Variants in ASAP1 observed in about 807,000 individuals in gnomAD.
ASAP1 encodes the protein ArfGAP with SH3 domain, ankyrin repeat and PH domain 1.
In ASAP1, 43 loss-of-function variants were observed where a neutral mutation model predicts 145.2. That is an observed-to-expected ratio of 0.30 (90% CI 0.23 to 0.38). The LOEUF (loss-of-function observed/expected upper bound fraction) is 0.38. Among genes scored for constraint, ASAP1 ranks in the 10% least tolerant of loss-of-function variants. The pLI is 1.00. For synonymous variants in ASAP1, 546 were observed against 515.5 expected, an observed-to-expected ratio of 1.06 and a Z score of -0.80; for missense variants, 1,018 against 1,355.3, an observed-to-expected ratio of 0.75 and a Z score of 3.91.
chr8:130,218,730 G>C lies in ASAP1; in HGVS notation c.260-4029C>G, dbSNP rs751400212. Among the ~76,000 whole-genome samples the C allele has an allele frequency of 4.3e-4, 66 of 152,058 alleles. 2 individuals are homozygous for C. The highest frequency in any genetic ancestry group is 1.0e-4 in the Non-Finnish European group (7 of 68,022). ...TGCAAGGGAAGAATTATGCTTATTA[G>C]GTAGATGAAACATGAAATGTGACGT... is the stretch of plus-strand genomic sequence containing the variant. On this transcript the variant is annotated intron_variant, in intron 4 of 29. Coordinates refer to ENST00000518721, the MANE Select transcript of ASAP1 (RefSeq NM_018482.4).
chr8:130,209,967 C>A (rs1816477205), intron 5 of ASAP1, among the ~76,000 whole-genome samples: 1 of 152,188 alleles, frequency 6.6e-6, no homozygotes, highest in South Asian at 2.1e-4. Context: ...TTTTGGAAAA[C>A]TTGAATTTGC....
At chr8:130,343,021 GA>G (rs1438523531) in intron 3 of ASAP1, among the ~76,000 whole-genome samples, 9 of 152,340 alleles carry the variant, frequency 5.9e-5, no homozygotes, top group Admixed American at 5.2e-4. Flanking sequence ...TTCAGCTGGA[GA>G]AATGTCCTGT....
chr8:130,290,442 T>C (rs1821877766), intron 3 of ASAP1, among the ~76,000 whole-genome samples: 2 of 152,198 alleles, frequency 1.3e-5, no homozygotes, highest in Non-Finnish European at 2.9e-5. Context: ...CTCTAACCCT[T>C]ACCTAGAGAT....
At chr8:130,206,923 CAGG>C (rs1816261220) in intron 5 of ASAP1, among the ~76,000 whole-genome samples, 1 of 151,918 alleles carries the variant, frequency 6.6e-6, no homozygotes, top group South Asian at 2.1e-4. Context: ...TGCCTGATGC[CAGG>C]AGTAGAGCAG....
intron 3 of ASAP1, among the ~76,000 whole-genome samples, chr8:130,349,093 C>G (rs1195027207): frequency 6.6e-6 from 1 of 152,228 alleles, no homozygotes; most frequent in African/African-American, 2.4e-5. Flanking sequence ...GTGGGCAGCA[C>G]TGGTCACTGG....
At chr8:130,307,766 A>C (rs1238603599) in intron 3 of ASAP1, among the ~76,000 whole-genome samples, 1 of 152,242 alleles carries the variant, frequency 6.6e-6, no homozygotes, top group Non-Finnish European at 1.5e-5. Context: ...AAGCCTGCGG[A>C]AAGTCAAAAC....
intron 7 of ASAP1, among the ~76,000 whole-genome samples, chr8:130,185,782 C>T (rs1307853905): frequency 1.4e-5 from 2 of 144,736 alleles, no homozygotes; most frequent in African/African-American, 5.1e-5. Context: ...AAAAGCCAGA[C>T]AAGTTCATAT....
chr8:130,436,318 A>G (rs1161428453), intron 1 of ASAP1, among the ~76,000 whole-genome samples: 2 of 152,182 alleles, frequency 1.3e-5, no homozygotes, highest in Non-Finnish European at 2.9e-5. Flanking sequence ...CTTTTGAGAC[A>G]TGGTCTTGTT....
intron 2 of ASAP1, among the ~76,000 whole-genome samples, chr8:130,374,034 TAAA>T (rs34199624): frequency 2.1e-5 from 2 of 94,394 alleles, no homozygotes; most frequent in African/African-American, 4.3e-5. Flanking sequence ...TAACTCCCTT[TAAA>T]AAAAAAAAAA....
chr8:130,242,248 A>G (rs1818570055), intron 3 of ASAP1, among the ~76,000 whole-genome samples: 1 of 132,878 alleles, frequency 7.5e-6, no homozygotes, highest in East Asian at 2.5e-4. Flanking sequence ...CTCCTATACC[A>G]AAGTGATTTC....
At chr8:130,077,348 A>G (rs1387975928) in intron 26 of ASAP1, among the ~76,000 whole-genome samples, 1 of 152,202 alleles carries the variant, frequency 6.6e-6, no homozygotes, top group African/African-American at 2.4e-5. Flanking sequence ...AGTGGTCTAC[A>G]TTAGGTGGAA....
intron 27 of ASAP1, among the ~76,000 whole-genome samples, chr8:130,067,915 A>G (rs1399502274): frequency 6.6e-6 from 1 of 152,166 alleles, no homozygotes; most frequent in African/African-American, 2.4e-5. Flanking sequence ...GTCTGCTGGG[A>G]GCCGTACACC....
chr8:130,390,303 T>C (rs1030687675), intron 2 of ASAP1, among the ~76,000 whole-genome samples: 1 of 152,238 alleles, frequency 6.6e-6, no homozygotes, highest in African/African-American at 2.4e-5. Context: ...AAGCCACATG[T>C]GGCAGACACA....
intron 3 of ASAP1, among the ~76,000 whole-genome samples, chr8:130,333,027 C>A (rs970549643): frequency 6.6e-6 from 1 of 151,966 alleles, no homozygotes; most frequent in Non-Finnish European, 1.5e-5. Flanking sequence ...AAGCACAAAG[C>A]GGTTCAATCT....
At chr8:130,428,847 G>A (rs1830042511) in intron 1 of ASAP1, among the ~76,000 whole-genome samples, 1 of 152,118 alleles carries the variant, frequency 6.6e-6, no homozygotes, top group South Asian at 2.1e-4. Context: ...TTCTAGGGCT[G>A]TCATTAAAAA....
chr8:130,115,387 T>C (rs910931609), intron 23 of ASAP1, among the ~76,000 whole-genome samples: 2 of 152,214 alleles, frequency 1.3e-5, no homozygotes, highest in African/African-American at 4.8e-5. Flanking sequence ...TTCAATCATG[T>C]GAGCCAATTC....
intron 2 of ASAP1, among the ~76,000 whole-genome samples, chr8:130,371,413 A>G (rs1194781309): frequency 6.6e-6 from 1 of 152,212 alleles, no homozygotes; most frequent in Non-Finnish European, 1.5e-5. Context: ...TGTACCTGCT[A>G]TGTAGTCCCC....
At chr8:130,072,825 G>GTGTGTGTGTGTGTGTGCGCGCGCGCA in intron 27 of ASAP1, among the ~76,000 whole-genome samples, 1 of 54,098 alleles carries the variant, frequency 1.8e-5, no homozygotes, top group African/African-American at 9.1e-5. Flanking sequence ...GTGTGTGTGT[G>GTGTGTGTGTGTGTGTGCGCGCGCGCA]CGCGCGGGGG....
intron 24 of ASAP1, among the ~76,000 whole-genome samples, chr8:130,097,126 C>CAAAAAAAAAAAAAA (rs61591724): frequency 1.9e-5 from 1 of 53,592 alleles, no homozygotes; most frequent in South Asian, 9.3e-4. Context: ...AGTTAGTCTC[C>CAAAAAAAAAAAAAA]AAAAAAAAAA....
Sources: allele counts gnomAD v4.1 joint callset (sites outside exome capture counted in the v4.1 genomes callset), GRCh38; gene constraint gnomAD v4.1.1; transcripts MANE v1.5; gene names NCBI Gene and HGNC (gene_info 2026-07-23, HGNC 2026-07-21).